The following ADGRL3 variants were observed in gnomAD, a reference collection of about 807,000 sequenced individuals.
The protein encoded by ADGRL3 is adhesion G protein-coupled receptor L3, also known as calcium-independent alpha-latrotoxin receptor 3.
Under a neutral mutation model 153.5 loss-of-function variants are expected in ADGRL3, and 62 were observed. The observed-to-expected ratio is 0.40, with a 90% CI of 0.33 to 0.50. The LOEUF (loss-of-function observed/expected upper bound fraction) is 0.50, where lower values mean the gene tolerates loss of function less well. Among genes scored for constraint, ADGRL3 ranks in the 20% least tolerant of loss-of-function variants. ADGRL3 has a pLI of 0.47. For missense variants in ADGRL3, 1,641 were observed against 1,859.4 expected, an observed-to-expected ratio of 0.88 and a Z score of 2.16; for synonymous variants, 710 against 672.5, an observed-to-expected ratio of 1.06 and a Z score of -0.86.
rs1317767824 is a variant in ADGRL3, at chr4:61,790,388, C to G, written c.1400-23421C>G. ...TTGTGGGAGATACATCCCAAGACCC[C>G]TAGTGGATGCTTGAAACTGTGGATG... On this transcript the variant is annotated intron_variant, in intron 8 of 26. Transcript: ENST00000683033. Among the ~76,000 whole-genome samples the G allele has an allele frequency of 2.6e-5, 4 of 152,100 alleles. No individual in the cohort carries two copies. The South Asian group carries it at 6.2e-4, about 24-fold the overall frequency.
intron 1 of ADGRL3, among the ~76,000 whole-genome samples, chr4:61,338,399 G>A (rs1406197558): frequency 2.6e-5 from 4 of 151,742 alleles, no homozygotes; most frequent in African/African-American, 9.7e-5. Flanking sequence ...GTGTCTGTGT[G>A]TGTGTGTGTG....
chr4:61,894,179 A>G (rs1036693080), intron 10 of ADGRL3, among the ~76,000 whole-genome samples: 8 of 152,196 alleles, frequency 5.3e-5, no homozygotes, highest in Non-Finnish European at 1.2e-4. Flanking sequence ...ATATGTAAAT[A>G]AGAGAAATTC....
chr4:61,474,062 G>C (rs1469572841), intron 2 of ADGRL3, among the ~76,000 whole-genome samples: 7 of 152,062 alleles, frequency 4.6e-5, no homozygotes, highest in African/African-American at 1.7e-4. Context: ...CAGAAGTAGG[G>C]ATTATTTTGT....
At chr4:61,267,685 C>T (rs2092932734) in intron 1 of ADGRL3, among the ~76,000 whole-genome samples, 2 of 151,454 alleles carry the variant, frequency 1.3e-5, no homozygotes, top group Non-Finnish European at 3.0e-5. Flanking sequence ...TTCTCTTTTC[C>T]CGCCTCTCTC....
intron 4 of ADGRL3, among the ~76,000 whole-genome samples, chr4:61,540,323 C>T (rs975843717): frequency 1.3e-5 from 2 of 152,024 alleles, no homozygotes; most frequent in African/African-American, 2.4e-5. Context: ...CCAAGGCAGG[C>T]AGCTCACTTG....
At chr4:61,839,456 A>G (rs950132929) in intron 9 of ADGRL3, among the ~76,000 whole-genome samples, 1 of 152,110 alleles carries the variant, frequency 6.6e-6, no homozygotes, top group Non-Finnish European at 1.5e-5. Context: ...TTGGCCTCCC[A>G]AAGTGCTAGA....
Position 61,277,568 on chromosome 4 carries a change from C to T in ADGRL3, c.-240+75803C>T, listed in dbSNP as rs141615405. Among the ~76,000 whole-genome samples the T allele has an allele frequency of 9.4e-4, 143 of 151,862 alleles. 3 individuals are homozygous for T. In the East Asian group the frequency reaches 0.024, roughly 26 times the overall value. On this transcript the variant is annotated intron_variant, in intron 1 of 26. Transcript: ENST00000683033. ...TCTTGGTGTAGAACTGACTAAAATC[C>T]ACAATCCAAAATCACAGGGATATAG... is the stretch of plus-strand genomic sequence containing the variant.
At chr4:61,915,973 C>A (rs1008277389) in intron 13 of ADGRL3, among the ~76,000 whole-genome samples, 5 of 152,032 alleles carry the variant, frequency 3.3e-5, no homozygotes, top group African/African-American at 9.6e-5. Context: ...TTGATTTTGG[C>A]TGTCTAAATC....
At chr4:61,810,389 C>T (rs958030376) in intron 8 of ADGRL3, among the ~76,000 whole-genome samples, 2 of 152,054 alleles carry the variant, frequency 1.3e-5, no homozygotes, top group Non-Finnish European at 1.5e-5. Context: ...GTTTTCTCAT[C>T]CTAAAATGTA....
intron 6 of ADGRL3, among the ~76,000 whole-genome samples, chr4:61,702,249 A>G (rs776782366): frequency 2.6e-5 from 4 of 152,146 alleles, no homozygotes; most frequent in Admixed American, 6.6e-5. Context: ...CCTTAATGAT[A>G]TTGCTCTCAA....
intron 1 of ADGRL3, among the ~76,000 whole-genome samples, chr4:61,366,623 GAAGTA>G (rs1048725316): frequency 3.3e-5 from 5 of 152,164 alleles, no homozygotes; most frequent in African/African-American, 7.2e-5. Context: ...TGACTGCAGT[GAAGTA>G]GAGACAGATA....
intron 25 of ADGRL3, among the ~76,000 whole-genome samples, chr4:62,061,453 C>A (rs1740113442): frequency 6.6e-6 from 1 of 151,866 alleles, no homozygotes; most frequent in Non-Finnish European, 1.5e-5. Flanking sequence ...TTTAGTTTAA[C>A]CTGTAGTTAA....
chr4:61,383,577 G>A (rs1271180644), intron 2 of ADGRL3, among the ~76,000 whole-genome samples: 1 of 151,366 alleles, frequency 6.6e-6, no homozygotes, highest in Non-Finnish European at 1.5e-5. Context: ...TTTTTCAGTT[G>A]CTACATGTAC....
At position 61,798,999 on chromosome 4, in the gene ADGRL3, G is replaced by GTGTATA. The variant is rs1554034587; in HGVS notation, c.1400-14809_1400-14808insGTATAT. ...CATTATTATATATTATATATAAACAGTATATATATATATATATATATATAT... is the reference window on the plus strand; with the variant it reads ...CATTATTATATATTATATATAAACAGTGTATATATATATATATATATATATATATAT... On this transcript the variant is annotated intron_variant, in intron 8 of 26. Transcript: ENST00000683033. Among the ~76,000 whole-genome samples, 14 of 80,758 alleles carry GTGTATA rather than the reference G, an allele frequency of 1.7e-4. No individual in the cohort carries two copies. In the South Asian group the frequency reaches 2.8e-3, roughly 16 times the overall value. 53.0% of individuals were successfully genotyped at this position (80,758 alleles called of 152,430 possible).
chr4:61,908,747 CAA>C (rs1453830950), intron 11 of ADGRL3, among the ~76,000 whole-genome samples: 3 of 151,866 alleles, frequency 2.0e-5, no homozygotes, highest in Non-Finnish European at 4.4e-5. Context: ...AATTTTAAAA[CAA>C]AGAAGATTAT....
chr4:61,731,834 T>C (rs1325506343), intron 7 of ADGRL3, among the ~76,000 whole-genome samples: 4 of 152,136 alleles, frequency 2.6e-5, no homozygotes, highest in African/African-American at 7.2e-5. Context: ...TCACTACAGA[T>C]GAATCAGCCA....
chr4:61,269,751 C>T (rs1255095107), intron 1 of ADGRL3, among the ~76,000 whole-genome samples: 2 of 151,648 alleles, frequency 1.3e-5, no homozygotes, highest in Admixed American at 6.6e-5. Context: ...CTGCCTTCCC[C>T]GCAACAAAAT....
At chr4:61,800,233 G>A (rs1313015391) in intron 8 of ADGRL3, among the ~76,000 whole-genome samples, 1 of 152,102 alleles carries the variant, frequency 6.6e-6, no homozygotes, top group Non-Finnish European at 1.5e-5. Context: ...TGTATATATT[G>A]TATATATGGG....
At chr4:61,644,713 G>T (rs1382988644) in intron 5 of ADGRL3, among the ~76,000 whole-genome samples, 2 of 152,130 alleles carry the variant, frequency 1.3e-5, no homozygotes, top group Admixed American at 1.3e-4. Flanking sequence ...CAAGTATGTG[G>T]TCAATTATGG....
Sources: allele counts gnomAD v4.1 joint callset (sites outside exome capture counted in the v4.1 genomes callset), GRCh38; gene constraint gnomAD v4.1.1; transcripts MANE v1.5; gene names NCBI Gene and HGNC (gene_info 2026-07-23, HGNC 2026-07-21).